The following AGAP1 variants were observed in gnomAD, a reference collection of about 807,000 sequenced individuals.
The protein encoded by AGAP1 is ArfGAP with GTPase domain, ankyrin repeat and PH domain 1, also known as arf-GAP with GTPase, ANK repeat and PH domain-containing protein 1.
In AGAP1, 29 loss-of-function variants were observed where a neutral mutation model predicts 105.3. The observed-to-expected ratio is 0.28, with a 90% CI of 0.21 to 0.38. AGAP1 has a LOEUF of 0.38. AGAP1 is among the 10% of genes least tolerant of loss of function. AGAP1 has a pLI of 1.00. For missense variants in AGAP1, 998 were observed against 1,165.1 expected, an observed-to-expected ratio of 0.86 and a Z score of 2.09; for synonymous variants, 509 against 485.9, an observed-to-expected ratio of 1.05 and a Z score of -0.63.
chr2:235,572,985 CTTCTTCTTCTTCTTCTT>C (rs1559258294), intron 1 of AGAP1, among the ~76,000 whole-genome samples: 2 of 25,620 alleles, frequency 7.8e-5, no homozygotes, highest in Non-Finnish European at 1.4e-4. Flanking sequence ...TTTTCTTCTT[CTTCTTCTTCTTCTTCTT>C]CTTCTTCTTC....
At chr2:236,021,686 C>T (rs141803855) in intron 13 of AGAP1, among the ~76,000 whole-genome samples, 626 of 152,198 alleles carry the variant, frequency 4.1e-3, no homozygotes, top group Non-Finnish European at 6.9e-3. Context: ...CCTGCTGTAT[C>T]GCAAGATGTT....
intron 9 of AGAP1, among the ~76,000 whole-genome samples, chr2:235,859,322 T>A (rs111966732): frequency 4.6e-5 from 7 of 151,376 alleles, no homozygotes; most frequent in African/African-American, 1.7e-4. Context: ...TCACTGTTGT[T>A]GTGGGGAAAT....
intron 16 of AGAP1, among the ~76,000 whole-genome samples, chr2:236,091,642 G>A (rs144916711): frequency 1.1e-4 from 17 of 152,256 alleles, no homozygotes; most frequent in Admixed American, 2.0e-4. Context: ...GTGTGGTGGC[G>A]TGCACCTTAG....
intron 1 of AGAP1, among the ~76,000 whole-genome samples, chr2:235,673,241 GTC>G (rs1224188721): frequency 1.3e-5 from 2 of 152,168 alleles, no homozygotes; most frequent in African/African-American, 4.8e-5. Context: ...CATTTTTCCA[GTC>G]TTTACATATT....
At position 235,664,603 on chromosome 2, in the gene AGAP1, A is replaced by T. The variant is rs1279106361; in HGVS notation, c.164-44576A>T. On this transcript the variant is annotated intron_variant, in intron 1 of 17. Transcript: ENST00000304032. The surrounding 1 kb of genome is among the most constrained non-coding windows in gnomAD (Gnocchi z 5.7). ...TCTAATATTTTCCTTTTGTTTGGGA[A>T]TAAGAATCTACTCACAATGGACACT... Among the ~76,000 whole-genome samples, 1 of 152,204 alleles carries T rather than the reference A, an allele frequency of 6.6e-6. No individual in the cohort carries two copies. Among genetic ancestry groups the T allele is most frequent in the Non-Finnish European group, 1.5e-5 (1 of 68,038 alleles).
At chr2:235,681,331 C>T (rs35247854) in intron 1 of AGAP1, among the ~76,000 whole-genome samples, 5 of 152,136 alleles carry the variant, frequency 3.3e-5, no homozygotes, top group Admixed American at 1.3e-4. Context: ...TTGACACACT[C>T]TATGACCCTT....
rs143291152 is a variant in AGAP1, at chr2:235,506,319, C to A, written c.163+11470C>A. On this transcript the variant is annotated intron_variant, in intron 1 of 17. Transcript: ENST00000304032. ...CGGTGGCTAATGCTTGTAATCTCAG[C>A]GCTTCGGGAGGCCGAAGTGGGAGGA... 2.6e-5 allele frequency among the ~76,000 whole-genome samples: 4 copies of A among 152,140 alleles called. No homozygotes were observed. In the South Asian group the frequency reaches 6.2e-4, roughly 24 times the overall value.
rs2049611730 is a variant in AGAP1, at chr2:235,874,491, T to C, written c.1051-8854T>C. ...GCCAGGGCTGTGGTTATAGTTGCTG[T>C]CCATCACTCTAGGTGCTTTCACCTA... On this transcript the variant is annotated intron_variant, in intron 9 of 17. Coordinates refer to ENST00000304032, the MANE Select transcript of AGAP1 (RefSeq NM_001037131.3). The surrounding 1 kb of genome is among the most constrained non-coding windows in gnomAD (Gnocchi z 4.5). Among the ~76,000 whole-genome samples, 1 of 152,160 alleles carries C rather than the reference T, an allele frequency of 6.6e-6. No individual in the cohort carries two copies. Among genetic ancestry groups the C allele is most frequent in the Non-Finnish European group, 1.5e-5 (1 of 68,018 alleles).
intron 6 of AGAP1, among the ~76,000 whole-genome samples, chr2:235,755,924 G>A (rs951473505): frequency 3.3e-5 from 5 of 152,156 alleles, no homozygotes; most frequent in African/African-American, 1.2e-4. Context: ...ATGCTGAAAG[G>A]TCACCTAAAA....
intron 9 of AGAP1, among the ~76,000 whole-genome samples, chr2:235,851,852 A>C (rs1175821747): frequency 1.3e-5 from 2 of 152,224 alleles, no homozygotes; most frequent in Non-Finnish European, 2.9e-5. Flanking sequence ...TCTCATCTGC[A>C]GTACGCCAGA....
At chr2:236,097,336 T>TA (rs1406107154) in intron 16 of AGAP1, among the ~76,000 whole-genome samples, 2 of 150,470 alleles carry the variant, frequency 1.3e-5, no homozygotes, top group Admixed American at 6.6e-5. Context: ...CTGGATTTTT[T>TA]AACTGTCATG....
intron 16 of AGAP1, among the ~76,000 whole-genome samples, chr2:236,110,962 A>G (rs1182371800): frequency 6.6e-6 from 1 of 152,182 alleles, no homozygotes; most frequent in Non-Finnish European, 1.5e-5. Flanking sequence ...AGAATACCTC[A>G]TTGCTACGTC....
intron 1 of AGAP1, among the ~76,000 whole-genome samples, chr2:235,568,054 TTC>T (rs1164632335): frequency 6.6e-6 from 1 of 152,062 alleles, no homozygotes; most frequent in Non-Finnish European, 1.5e-5. Context: ...GCCAGTTCCC[TTC>T]AGTCTCTGGG....
intron 1 of AGAP1, among the ~76,000 whole-genome samples, chr2:235,588,037 C>T (rs1020626585): frequency 6.6e-6 from 1 of 152,114 alleles, no homozygotes; most frequent in African/African-American, 2.4e-5. Context: ...TGAGACCAGC[C>T]TTACCAAGAT....
chr2:236,027,814 G>C lies in AGAP1; in HGVS notation c.1646-8747G>C, dbSNP rs548172457. ...TGAACTGCTACTCACAGGGAAAAGC[G>C]TGGCGTTTAGACCTGCCCTGTGATC... is the stretch of plus-strand genomic sequence containing the variant. On this transcript the variant is annotated intron_variant, in intron 13 of 17. Coordinates refer to ENST00000304032, the MANE Select transcript of AGAP1 (RefSeq NM_001037131.3). This position sits in a 1 kb window ranked among gnomAD's most constrained non-coding sequence, Gnocchi z 4.4. 2.6e-5 allele frequency among the ~76,000 whole-genome samples: 4 copies of C among 152,090 alleles called. No individual in the cohort carries two copies. The highest frequency in any genetic ancestry group is 2.6e-4 in the Admixed American group (4 of 15,268).
intron 9 of AGAP1, among the ~76,000 whole-genome samples, chr2:235,814,788 G>A (rs1376635721): frequency 2.6e-5 from 4 of 152,154 alleles, no homozygotes; most frequent in Non-Finnish European, 4.4e-5. Flanking sequence ...GCAGAGCTGC[G>A]GATGGAGGGG....
chr2:235,548,123 C>T (rs72984702), intron 1 of AGAP1, among the ~76,000 whole-genome samples: 6,328 of 152,288 alleles, frequency 0.042, 174 homozygotes, highest in Middle Eastern at 0.15. Flanking sequence ...ACAAATGGCA[C>T]GATTGCTCTG....
rs1228422326 is a variant in AGAP1 at position 236,009,668 on chromosome 2, C to T, written c.1646-26893C>T. Among the ~76,000 whole-genome samples, 2 of 152,104 alleles carry T rather than the reference C, an allele frequency of 1.3e-5. No individual in the cohort carries two copies. Among genetic ancestry groups the T allele is most frequent in the East Asian group, 1.9e-4 (1 of 5,186 alleles). On this transcript the variant is annotated intron_variant, in intron 13 of 17. Coordinates refer to ENST00000304032, the MANE Select transcript of AGAP1 (RefSeq NM_001037131.3). This position sits in a 1 kb window ranked among gnomAD's most constrained non-coding sequence, Gnocchi z 4.2. ...GAAATGAGTGGCACACCTCTTCAAC[C>T]CATCCCCTTCCTCCATGGAGGTAAA...
chr2:235,612,993 G>T lies in AGAP1; in HGVS notation c.164-96186G>T, dbSNP rs1312093835. On this transcript the variant is annotated intron_variant, in intron 1 of 17. Coordinates refer to ENST00000304032, the MANE Select transcript of AGAP1 (RefSeq NM_001037131.3). The surrounding 1 kb of genome is among the most constrained non-coding windows in gnomAD (Gnocchi z 4.3). ...CAGGTGAGGTTAGCAAATACGTATA[G>T]ATTGTAACAAGAGAATTTTGCATTT... Among the ~76,000 whole-genome samples the T allele has an allele frequency of 6.6e-6, 1 of 151,740 alleles. No homozygotes were observed.
Sources: gnomAD v4.1 joint callset for allele counts (sites outside exome capture counted in the v4.1 genomes callset) on GRCh38, gnomAD v4.1.1 for gene constraint, Gnocchi (gnomAD v3.1) non-coding constraint, MANE v1.5 for transcripts, NCBI Gene and HGNC (gene_info 2026-07-23, HGNC 2026-07-21) for gene names.